Variants in ANO3 observed in about 807,000 individuals in gnomAD.
ANO3 encodes anoctamin-3.
ANO3 carries 99 observed loss-of-function variants against 144.8 expected under a neutral mutation model. The ratio of observed to expected loss-of-function variants is 0.68; its 90% CI spans 0.58 to 0.81. ANO3 has a LOEUF of 0.81. Among genes scored for constraint, ANO3 ranks in the 30% least tolerant of loss-of-function variants. ANO3 has a pLI of 0.00. For missense variants in ANO3, 905 were observed against 1,202.2 expected, an observed-to-expected ratio of 0.75 and a Z score of 3.66; for synonymous variants, 414 against 392.6, an observed-to-expected ratio of 1.05 and a Z score of -0.64.
intron 17 of ANO3, among the ~76,000 whole-genome samples, chr11:26,617,611 T>C (rs912725027): frequency 3.3e-5 from 5 of 152,220 alleles, no homozygotes; most frequent in African/African-American, 9.6e-5. Context: ...CTATTTCTAC[T>C]TATTGGTCAA....
At chr11:26,412,922 T>A (rs1857472066) in intron 1 of ANO3, among the ~76,000 whole-genome samples, 1 of 151,840 alleles carries the variant, frequency 6.6e-6, no homozygotes, top group African/African-American at 2.4e-5. Flanking sequence ...GGTTTCATTT[T>A]GCTCCCCATT....
At chr11:26,330,835 G>T (rs1312382073), upstream of ANO3, among the ~76,000 whole-genome samples, 1 of 152,116 alleles carries the variant, frequency 6.6e-6, no homozygotes, top group Non-Finnish European at 1.5e-5. Flanking sequence ...CAATATTTTT[G>T]AGGTATCGAA....
intron 1 of ANO3, chr11:26,189,401 G>A: frequency 1.2e-6 from 1 of 862,482 alleles, no homozygotes; most frequent in Non-Finnish European, 1.4e-6. Flanking sequence ...TGTCTGATGT[G>A]TAATAAATAA....
At chr11:26,292,055 A>T (rs1222295207) in intron 1 of ANO3, among the ~76,000 whole-genome samples, 3 of 152,050 alleles carry the variant, frequency 2.0e-5, no homozygotes, top group African/African-American at 7.2e-5. Flanking sequence ...CCAATCAAAC[A>T]TGGATTTGGT....
At chr11:26,345,838 C>G (rs932260884) in intron 1 of ANO3, among the ~76,000 whole-genome samples, 2 of 151,950 alleles carry the variant, frequency 1.3e-5, no homozygotes, top group East Asian at 3.9e-4. Context: ...CAAAAATATG[C>G]CAAAATAGGT....
At chr11:26,574,720 GTTGT>G (rs1175638588) in intron 14 of ANO3, among the ~76,000 whole-genome samples, 6 of 152,106 alleles carry the variant, frequency 3.9e-5, no homozygotes, top group South Asian at 4.2e-4. Context: ...AATGCTAATG[GTTGT>G]TTATTATTCA....
intron 1 of ANO3, among the ~76,000 whole-genome samples, chr11:26,268,339 G>A (rs1853359973): frequency 6.6e-6 from 1 of 152,090 alleles, no homozygotes; most frequent in South Asian, 2.1e-4. Flanking sequence ...ACAAAATGGA[G>A]AAGACAATAT....
rs1590233575 is a variant in ANO3 at position 26,284,399 on chromosome 11, G to T, written c.155-25246G>T. ...GATTCTAATTTGATTCCTGCATGCT[G>T]CACACTTTTATCGATGTGGAGATCA... On this transcript the variant is annotated intron_variant, in intron 1 of 27. Transcript: ENST00000672621. Among the ~76,000 whole-genome samples, 4 of 152,276 alleles carry T rather than the reference G, an allele frequency of 2.6e-5. No homozygotes were observed. In the East Asian group the frequency reaches 7.8e-4, roughly 30 times the overall value.
At chr11:26,559,826 T>C (rs370764625) in intron 14 of ANO3, 47 bp downstream of exon 14, 24 of 1,231,758 alleles carry the variant, frequency 1.9e-5, no homozygotes, top group African/African-American at 4.9e-5. Flanking sequence ...TCTGAAGCTG[T>C]TTCTGTGTTA....
intron 1 of ANO3, among the ~76,000 whole-genome samples, chr11:26,365,152 C>G (rs114706671): frequency 2.0e-4 from 30 of 152,338 alleles, no homozygotes; most frequent in African/African-American, 6.0e-4. Flanking sequence ...CTCATTAAAT[C>G]TTAAAGCTCC....
intron 1 of ANO3, among the ~76,000 whole-genome samples, chr11:26,271,137 AAG>A (rs1387297030): frequency 6.6e-6 from 1 of 152,188 alleles, no homozygotes; most frequent in African/African-American, 2.4e-5. Context: ...ATAATTCTAA[AAG>A]AGTGACAGAT....
intron 1 of ANO3, among the ~76,000 whole-genome samples, chr11:26,223,473 C>G (rs535361839): frequency 6.6e-6 from 1 of 152,064 alleles, no homozygotes; most frequent in Admixed American, 6.6e-5. Flanking sequence ...TTCTTCTGAG[C>G]CCTCCAGATT....
At chr11:26,386,731 A>G (rs1856745021) in intron 1 of ANO3, among the ~76,000 whole-genome samples, 1 of 152,176 alleles carries the variant, frequency 6.6e-6, no homozygotes, top group Non-Finnish European at 1.5e-5. Flanking sequence ...AATTGCAAAG[A>G]CTTGAGAAGC....
chr11:26,284,723 C>A (rs888538266), intron 1 of ANO3, among the ~76,000 whole-genome samples: 1 of 150,578 alleles, frequency 6.6e-6, no homozygotes, highest in Non-Finnish European at 1.5e-5. Flanking sequence ...CACGGTGAAA[C>A]CCCGTCTCTA....
chr11:26,311,576 T>C (rs1235427258), intron 1 of ANO3, among the ~76,000 whole-genome samples: 1 of 152,206 alleles, frequency 6.6e-6, no homozygotes, highest in East Asian at 1.9e-4. Context: ...CTTCTGTGTG[T>C]AGGTGAAGAT....
intron 17 of ANO3, among the ~76,000 whole-genome samples, chr11:26,616,716 A>G (rs1852272541): frequency 6.6e-6 from 1 of 152,166 alleles, no homozygotes; most frequent in Non-Finnish European, 1.5e-5. Flanking sequence ...TAGAACCTGA[A>G]TTTGAACAGA....
intron 13 of ANO3, among the ~76,000 whole-genome samples, chr11:26,554,466 T>C (rs1471490006): frequency 6.6e-6 from 1 of 152,160 alleles, no homozygotes; most frequent in Non-Finnish European, 1.5e-5. Flanking sequence ...GGTTGGATCA[T>C]GTGATAGGTA....
intron 1 of ANO3, among the ~76,000 whole-genome samples, chr11:26,368,977 A>G (rs1334829818): frequency 6.6e-6 from 1 of 152,142 alleles, no homozygotes; most frequent in Non-Finnish European, 1.5e-5. Context: ...TGGTTCAAAA[A>G]AGCATAAAGA....
intron 24 of ANO3, among the ~76,000 whole-genome samples, chr11:26,650,430 C>A (rs545704363): frequency 1.3e-5 from 2 of 149,876 alleles, no homozygotes; most frequent in East Asian, 2.0e-4. Context: ...GTCTGCAGAT[C>A]TCCTTCAGGG....
Sources: allele counts gnomAD v4.1 joint callset (sites outside exome capture counted in the v4.1 genomes callset), GRCh38; gene constraint gnomAD v4.1.1; transcripts MANE v1.5; gene names NCBI Gene and HGNC (gene_info 2026-07-23, HGNC 2026-07-21).